TTC28: variants seen among roughly 807,000 people sequenced by gnomAD.
TTC28 encodes the protein tetratricopeptide repeat domain 28.
A neutral mutation model predicts 198.0 loss-of-function variants in TTC28; 61 were observed. That is an observed-to-expected ratio of 0.31 (90% CI 0.25 to 0.38). The LOEUF is 0.38. Ranked by LOEUF, TTC28 falls within the 10% of genes least tolerant of loss-of-function variation. The pLI is 1.00. For missense variants in TTC28, 2,678 were observed against 3,164.0 expected (o/e 0.85, Z 3.69); for synonymous variants, 1,171 against 1,297.8 (o/e 0.90, Z 2.10).
chr22:28,063,623 G>A (rs180787178), intron 12 of TTC28, among the ~76,000 whole-genome samples: 30 of 152,186 alleles, frequency 2.0e-4, no homozygotes, highest in African/African-American at 6.5e-4. Context: ...TAAAACCATT[G>A]TAATATGCAT....
chr22:28,635,275 T>C (rs1015931086), intron 1 of TTC28, among the ~76,000 whole-genome samples: 10 of 151,828 alleles, frequency 6.6e-5, no homozygotes, highest in Admixed American at 6.6e-4. Context: ...GAGCTGAGAT[T>C]GCACCACTGC....
At chr22:28,191,599 C>T (rs193003435) in intron 5 of TTC28, among the ~76,000 whole-genome samples, 8 of 152,232 alleles carry the variant, frequency 5.3e-5, no homozygotes, top group Non-Finnish European at 7.3e-5. Context: ...CCTAATACTG[C>T]GCTTTTCCAA....
intron 2 of TTC28, among the ~76,000 whole-genome samples, chr22:28,341,991 A>C (rs955587295): frequency 2.2e-4 from 33 of 152,168 alleles, no homozygotes; most frequent in Admixed American, 1.9e-3. Context: ...AAAAAAACAG[A>C]AAAAAATTTA....
chr22:28,126,026 TG>T (rs1051500410), intron 6 of TTC28, among the ~76,000 whole-genome samples: 1 of 152,172 alleles, frequency 6.6e-6, no homozygotes, highest in African/African-American at 2.4e-5. Context: ...TCTCTATTAC[TG>T]AAAGACACTG....
chr22:28,405,569 G>A (rs1284464097), intron 2 of TTC28, among the ~76,000 whole-genome samples: 1 of 152,222 alleles, frequency 6.6e-6, no homozygotes, highest in African/African-American at 2.4e-5. Context: ...GATAGTAATG[G>A]TGAGTAGGTC....
At chr22:28,633,745 C>T (rs2051218476) in intron 1 of TTC28, among the ~76,000 whole-genome samples, 1 of 152,166 alleles carries the variant, frequency 6.6e-6, no homozygotes, top group Admixed American at 6.5e-5. Context: ...TATAAAGTAA[C>T]ATTTCCCAAA....
chr22:28,314,145 T>C (rs1010979657), intron 2 of TTC28, among the ~76,000 whole-genome samples: 36 of 152,012 alleles, frequency 2.4e-4, no homozygotes, highest in African/African-American at 8.7e-4. Context: ...CCTAGGAATA[T>C]AACTTACAAG....
At chr22:28,116,813 T>G (rs1287447080) in intron 6 of TTC28, among the ~76,000 whole-genome samples, 1 of 152,126 alleles carries the variant, frequency 6.6e-6, no homozygotes, top group East Asian at 1.9e-4. Flanking sequence ...GCCTACAAAG[T>G]GTAGTCAAGT....
chr22:28,226,340 G>A lies in TTC28; in HGVS notation c.934-62741C>T, dbSNP rs1217295725. On this transcript the variant is annotated intron_variant, in intron 5 of 22. Transcript: ENST00000397906. ...TGTTTTTAATTTTAGCCATTCTAAT[G>A]GGCATGTAGGCTTGCTCACTGTAGT... Among the ~76,000 whole-genome samples, 10 of 152,238 alleles carry A rather than the reference G, an allele frequency of 6.6e-5. No individual in the cohort carries two copies. In the East Asian group the frequency reaches 1.7e-3, roughly 26 times the overall value.
At position 28,099,480 on chromosome 22, in the gene TTC28, T is replaced by G. The variant is rs182537738; in HGVS notation, c.3418-436A>C. On this transcript the variant is annotated intron_variant, in intron 9 of 22. Transcript: ENST00000397906. ...AAGCCATGGTGAAACTGTCTACGCT[T>G]CCTCGAGTGTTTTTCCAGCTACCTG... is the stretch of plus-strand genomic sequence containing the variant. Among the ~76,000 whole-genome samples, 607 of 152,292 alleles carry G rather than the reference T, an allele frequency of 4.0e-3. 6 individuals carry two copies. The highest frequency in any genetic ancestry group is 3.8e-3 in the Non-Finnish European group (257 of 68,024).
intron 5 of TTC28, among the ~76,000 whole-genome samples, chr22:28,236,788 C>A (rs1929281817): frequency 1.3e-5 from 2 of 152,108 alleles, no homozygotes; most frequent in African/African-American, 4.8e-5. Flanking sequence ...CTATGATTGT[C>A]CTGAAAGATG....
rs576293422 is a variant in TTC28 at position 28,285,116 on chromosome 22, C to T, written c.933+11082G>A. ...GTGTCAGATGAATGGATTCAGAAAA[C>T]GGAGTGTATGTGTGTGTGTGTTTGT... is the stretch of plus-strand genomic sequence containing the variant. On this transcript the variant is annotated intron_variant, in intron 5 of 22. Transcript: ENST00000397906. Among the ~76,000 whole-genome samples the T allele has an allele frequency of 2.6e-5, 4 of 152,182 alleles. No homozygotes were observed. The South Asian group carries it at 6.2e-4, about 24-fold the overall frequency.
At chr22:28,393,662 C>G (rs555541235) in intron 2 of TTC28, among the ~76,000 whole-genome samples, 2 of 152,102 alleles carry the variant, frequency 1.3e-5, no homozygotes, top group African/African-American at 4.8e-5. Context: ...CCACTACACT[C>G]CAGCCTGAGT....
chr22:28,490,693 G>A (rs1343670207), intron 2 of TTC28, among the ~76,000 whole-genome samples: 1 of 152,164 alleles, frequency 6.6e-6, no homozygotes, highest in Non-Finnish European at 1.5e-5. Flanking sequence ...AGGACCACAA[G>A]ATGGTCTCAA....
chr22:28,432,409 ATTC>A (rs1205052981), intron 2 of TTC28, among the ~76,000 whole-genome samples: 1 of 152,190 alleles, frequency 6.6e-6, no homozygotes, highest in African/African-American at 2.4e-5. Flanking sequence ...ATTCTCATTC[ATTC>A]TTAATTCATA....
intron 2 of TTC28, among the ~76,000 whole-genome samples, chr22:28,309,624 A>G (rs2045214621): frequency 6.6e-6 from 1 of 152,208 alleles, no homozygotes; most frequent in African/African-American, 2.4e-5. Flanking sequence ...AAGCCACTTC[A>G]TCTGGGAGAG....
At chr22:28,113,298 T>C (rs1259866622) in intron 6 of TTC28, among the ~76,000 whole-genome samples, 1 of 152,020 alleles carries the variant, frequency 6.6e-6, no homozygotes, top group Non-Finnish European at 1.5e-5. Context: ...ACAACCCAAA[T>C]GGGGCTTTAA....
intron 2 of TTC28, among the ~76,000 whole-genome samples, chr22:28,514,091 T>C (rs2048736769): frequency 6.6e-6 from 1 of 152,162 alleles, no homozygotes; most frequent in African/African-American, 2.4e-5. Context: ...AAGAGTAAAA[T>C]AACTGGCTAC....
rs1431191494 is a variant in TTC28, at chr22:28,306,562, G to C, written c.463C>G (p.Gln155Glu). The change falls in exon 3 of 23, where the codon CAA (glutamine) becomes GAA (glutamate). Residue 155 changes from glutamine (Q) to glutamate (E), a missense_variant. This residue lies in a region of TTC28 where 176 missense variants were observed against 197.9 expected (regional missense o/e 0.89). Transcript: ENST00000397906. ...ALAAFASGLA[Q>E]DPKSLQLLVG... ...AGAAGCTGGAGACTCTTGGGGTCTT[G>C]AGCCAGTCCAGATGCAAAGGCTGCC... 4 of 1,551,280 alleles carry C rather than the reference G, an allele frequency of 2.6e-6. No homozygotes were observed. Among genetic ancestry groups the C allele is most frequent in the Admixed American group, 2.0e-5 (1 of 50,904 alleles).
Sources: gnomAD v4.1 joint callset for allele counts (sites outside exome capture counted in the v4.1 genomes callset) on GRCh38, gnomAD v4.1.1 for gene constraint, gnomAD v4.1.1 regional missense constraint, MANE v1.5 for transcripts, NCBI Gene and HGNC (gene_info 2026-07-23, HGNC 2026-07-21) for gene names.